The following TMEM196 variants were observed in gnomAD, a reference collection of about 807,000 sequenced individuals.
The protein encoded by TMEM196 is transmembrane protein 196.
A neutral mutation model predicts 20.0 loss-of-function variants in TMEM196; 17 were observed. The ratio of observed to expected loss-of-function variants is 0.85; its 90% CI spans 0.58 to 1.27. TMEM196 has a LOEUF of 1.27. Ranked by LOEUF, TMEM196 falls within the 50% of genes most tolerant of loss-of-function variation. The pLI, the probability that TMEM196 is intolerant of heterozygous loss-of-function variation, is 0.00. For synonymous variants in TMEM196, 113 were observed against 88.9 expected (o/e 1.27, Z -1.52); for missense variants, 267 against 223.0 (o/e 1.20, Z -1.26).
At chr7:19,764,227 G>A in intron 1 of TMEM196, among the ~76,000 whole-genome samples, 1 of 152,170 alleles carries the variant, frequency 6.6e-6, no homozygotes, top group East Asian at 1.9e-4. Context: ...AACCCAGCTG[G>A]CATTCTGCCT....
At chr7:19,757,337 CTTT>C (rs59859025) in intron 1 of TMEM196, among the ~76,000 whole-genome samples, 9 of 70,874 alleles carry the variant, frequency 1.3e-4, no homozygotes, top group African/African-American at 4.9e-4. Flanking sequence ...CCACACCCAG[CTTT>C]TTTTTTTTTT....
At chr7:19,731,008 A>T (rs922805696) in intron 1 of TMEM196, among the ~76,000 whole-genome samples, 19 of 152,332 alleles carry the variant, frequency 1.2e-4, no homozygotes, top group African/African-American at 4.6e-4. Context: ...GCTTAAATGC[A>T]TTGGGAGACA....
chr7:19,751,351 G>A (rs988960053), intron 1 of TMEM196, among the ~76,000 whole-genome samples: 4 of 152,146 alleles, frequency 2.6e-5, no homozygotes, highest in Non-Finnish European at 5.9e-5. Context: ...GTCCACAAAG[G>A]TTTGGAATAT....
chr7:19,751,131 A>G (rs746828078), intron 1 of TMEM196, among the ~76,000 whole-genome samples: 2 of 152,230 alleles, frequency 1.3e-5, no homozygotes, highest in African/African-American at 2.4e-5. Flanking sequence ...AAGAAGAAAT[A>G]TAAATGTTGG....
intron 1 of TMEM196, among the ~76,000 whole-genome samples, chr7:19,761,536 G>A (rs2128037621): frequency 6.6e-6 from 1 of 152,184 alleles, no homozygotes; most frequent in South Asian, 2.1e-4. Flanking sequence ...ATGTGATAAG[G>A]TGTTCCTCCA....
chr7:19,734,440 C>T (rs181484497), intron 1 of TMEM196, among the ~76,000 whole-genome samples: 3 of 152,236 alleles, frequency 2.0e-5, no homozygotes, highest in Non-Finnish European at 2.9e-5. Context: ...AAGGCTTTGC[C>T]AATGTGATTG....
intron 1 of TMEM196, among the ~76,000 whole-genome samples, chr7:19,751,635 C>T (rs559602211): frequency 2.0e-5 from 3 of 152,080 alleles, no homozygotes; most frequent in Non-Finnish European, 4.4e-5. Context: ...TGGTATATTT[C>T]TAATGTCCAA....
chr7:19,767,381 A>C (rs927388191), intron 1 of TMEM196, among the ~76,000 whole-genome samples: 1 of 152,080 alleles, frequency 6.6e-6, no homozygotes. Context: ...CCAGTGGATA[A>C]TCAGTAGCAT....
At chr7:19,722,965 T>A (rs1016320819) in intron 4 of TMEM196, among the ~76,000 whole-genome samples, 4 of 152,024 alleles carry the variant, frequency 2.6e-5, no homozygotes, top group Non-Finnish European at 5.9e-5. Flanking sequence ...GATAAAATTA[T>A]CTAAAAATAA....
chr7:19,749,116 T>C (rs1018968883), intron 1 of TMEM196, among the ~76,000 whole-genome samples: 3 of 152,192 alleles, frequency 2.0e-5, no homozygotes, highest in Admixed American at 2.0e-4. Context: ...AATGATAGGA[T>C]ACTAAGTATA....
At chr7:19,727,408 A>C (rs996313341) in intron 2 of TMEM196, among the ~76,000 whole-genome samples, 7 of 152,186 alleles carry the variant, frequency 4.6e-5, no homozygotes, top group Non-Finnish European at 1.0e-4. Flanking sequence ...AACTTAATTC[A>C]GCATTCCTTA....
At chr7:19,765,561 A>G (rs947608502) in intron 1 of TMEM196, among the ~76,000 whole-genome samples, 1 of 152,150 alleles carries the variant, frequency 6.6e-6, no homozygotes, top group African/African-American at 2.4e-5. Flanking sequence ...CATAGTTCTA[A>G]ATGTTTTTTG....
At chr7:19,747,905 T>C (rs919758767) in intron 1 of TMEM196, among the ~76,000 whole-genome samples, 36 of 152,256 alleles carry the variant, frequency 2.4e-4, no homozygotes, top group African/African-American at 8.4e-4. Context: ...CTAAAGGTTA[T>C]TGGATTCTAG....
intron 1 of TMEM196, among the ~76,000 whole-genome samples, chr7:19,762,720 A>G (rs1413720587): frequency 6.6e-6 from 1 of 152,170 alleles, no homozygotes; most frequent in African/African-American, 2.4e-5. Flanking sequence ...GAATTTAGTG[A>G]AGGAGAAAGA....
intron 1 of TMEM196, among the ~76,000 whole-genome samples, chr7:19,729,721 T>G (rs1784128740): frequency 6.6e-6 from 1 of 152,244 alleles, no homozygotes; most frequent in Non-Finnish European, 1.5e-5. Context: ...TTCTCCCATT[T>G]CTTTTCACCG....
rs191037437 is a variant in TMEM196 at position 19,736,129 on chromosome 7, T to G, written c.148-6691A>C. ...ACCACTAGTTCTTGAATAGTTTTAC[T>G]CTACTTCACTCACCTTTTAATTAAA... On this transcript the variant is annotated intron_variant, in intron 1 of 4. Coordinates refer to ENST00000405844, the MANE Select transcript of TMEM196 (RefSeq NM_001363562.2). Among the ~76,000 whole-genome samples, 7 of 151,992 alleles carry G rather than the reference T, an allele frequency of 4.6e-5. No individual in the cohort carries two copies. In the East Asian group the frequency reaches 1.2e-3, roughly 25 times the overall value.
Position 19,723,494 on chromosome 7 carries a change from T to G in TMEM196, c.533+786A>C, listed in dbSNP as rs188190863. 7.2e-5 allele frequency among the ~76,000 whole-genome samples: 11 copies of G among 152,280 alleles called. No individual in the cohort carries two copies. The East Asian group carries it at 2.1e-3, about 29-fold the overall frequency. On this transcript the variant is annotated intron_variant, in intron 4 of 4. Coordinates refer to ENST00000405844, the MANE Select transcript of TMEM196 (RefSeq NM_001363562.2). ...TTTTAAAATGTTACAAAAAAAGAAT[T>G]TTCTTAACTGAATTCACTCTACCAT...
intron 2 of TMEM196, among the ~76,000 whole-genome samples, chr7:19,726,527 A>G (rs1784006851): frequency 1.3e-5 from 2 of 152,156 alleles, no homozygotes; most frequent in African/African-American, 4.8e-5. Flanking sequence ...AGAATATACA[A>G]TAGGCGTTCC....
chr7:19,749,321 T>A (rs1784874746), intron 1 of TMEM196, among the ~76,000 whole-genome samples: 1 of 152,180 alleles, frequency 6.6e-6, no homozygotes, highest in Non-Finnish European at 1.5e-5. Context: ...TGGCTTAAGT[T>A]CCTACTATGT....
Sources: allele counts gnomAD v4.1 joint callset (sites outside exome capture counted in the v4.1 genomes callset), GRCh38; gene constraint gnomAD v4.1.1; transcripts MANE v1.5; gene names NCBI Gene and HGNC (gene_info 2026-07-23, HGNC 2026-07-21).